Variants in MAL observed in about 807,000 individuals in gnomAD.
MAL encodes myelin and lymphocyte protein.
In MAL, 5 loss-of-function variants were observed where a neutral mutation model predicts 16.7. The observed-to-expected ratio is 0.30, with a 90% confidence interval of 0.16 to 0.63. MAL has a LOEUF of 0.63. MAL is among the 30% of genes least tolerant of loss of function. The pLI, the probability that MAL is intolerant of heterozygous loss-of-function variation, is 0.82. For missense variants in MAL, 202 were observed against 195.8 expected, an observed-to-expected ratio of 1.03 and a Z score of -0.19; for synonymous variants, 96 against 85.5, an observed-to-expected ratio of 1.12 and a Z score of -0.67.
intron 1 of MAL, among the ~76,000 whole-genome samples, chr2:95,036,570 TG>T (rs1355232441): frequency 6.6e-6 from 1 of 152,268 alleles, no homozygotes; most frequent in Non-Finnish European, 1.5e-5. Flanking sequence ...CCTGCCTTAG[TG>T]TTGACCATGC....
At chr2:95,040,059 C>T (rs542816800) in intron 1 of MAL, among the ~76,000 whole-genome samples, 1 of 152,272 alleles carries the variant, frequency 6.6e-6, no homozygotes, top group South Asian at 2.1e-4. Flanking sequence ...ATCCGGGCAT[C>T]AAAGCCTGTT....
chr2:95,049,714 C>CG lies in MAL; in HGVS notation c.387+11dup. 6.2e-7 allele frequency: 1 copy of CG among 1,614,036 alleles called. No homozygotes were observed. The highest frequency in any genetic ancestry group is 8.5e-7 in the Non-Finnish European group (1 of 1,179,948). On this transcript the variant is annotated intron_variant, in intron 3 of 3. Coordinates refer to ENST00000309988, the MANE Select transcript of MAL (RefSeq NM_002371.4). ...GAAAACATTGCTGCCGTGGTGAGTC[C>CG]GGGCACCTGGGGCTGTGTCCACAGC...
At chr2:95,044,632 A>G (rs1212158881) in intron 1 of MAL, 1 of 152,260 alleles carries the variant, frequency 6.6e-6, no homozygotes, top group Non-Finnish European at 1.5e-5. Context: ...AACTGTGGAC[A>G]AGGTTCCCAC....
chr2:95,034,813 G>A (rs550244200), intron 1 of MAL, among the ~76,000 whole-genome samples: 4 of 152,250 alleles, frequency 2.6e-5, no homozygotes, highest in Admixed American at 1.3e-4. Flanking sequence ...CTTTAGGCCC[G>A]AGCTAACCCA....
chr2:95,038,659 T>TGTGACTGAGTGAGTGACTGACTGAGTGA (rs1674332736), intron 1 of MAL, among the ~76,000 whole-genome samples: 1 of 55,474 alleles, frequency 1.8e-5, no homozygotes, highest in African/African-American at 7.2e-5. Flanking sequence ...TGAGTGACTG[T>TGTGACTGAGTGAGTGACTGACTGAGTGA]GTGACTGAGT....
chr2:95,046,752 A>G (rs1446684263), intron 1 of MAL, among the ~76,000 whole-genome samples: 1 of 152,110 alleles, frequency 6.6e-6, no homozygotes, highest in Non-Finnish European at 1.5e-5. Flanking sequence ...TCCAACTCCA[A>G]ATCTGATCAT....
At chr2:95,039,386 G>GAC (rs1674379715) in intron 1 of MAL, among the ~76,000 whole-genome samples, 1 of 151,684 alleles carries the variant, frequency 6.6e-6, no homozygotes, top group Non-Finnish European at 1.5e-5. Flanking sequence ...GTGAGTGAGT[G>GAC]AGTGAGTGAG....
At chr2:95,045,259 C>T (rs368314252) in intron 1 of MAL, among the ~76,000 whole-genome samples, 4 of 152,180 alleles carry the variant, frequency 2.6e-5, no homozygotes, top group African/African-American at 4.8e-5. Flanking sequence ...ATAGGTCACC[C>T]GTAAGCGCCT....
intron 1 of MAL, among the ~76,000 whole-genome samples, chr2:95,043,371 T>TGATGTA (rs1674515340): frequency 6.6e-6 from 1 of 152,240 alleles, no homozygotes; most frequent in South Asian, 2.1e-4. Flanking sequence ...GCCAGAAGCT[T>TGATGTA]CATACTCACA....
chr2:95,046,621 A>G (rs1253125954), intron 1 of MAL, among the ~76,000 whole-genome samples: 1 of 152,024 alleles, frequency 6.6e-6, no homozygotes, highest in Non-Finnish European at 1.5e-5. Context: ...CTTTGACTGT[A>G]TGGGGCTCAC....
intron 1 of MAL, among the ~76,000 whole-genome samples, chr2:95,040,178 C>G (rs1435941461): frequency 6.6e-6 from 1 of 151,948 alleles, no homozygotes; most frequent in East Asian, 1.9e-4. Context: ...TGCACGTGCA[C>G]ACACATATAC....
In MAL at chr2:95,053,588, A is replaced by C; in HGVS notation, c.*133A>C. On this transcript the variant is annotated 3_prime_UTR_variant, in exon 4 of 4. Transcript: ENST00000309988. ...AAACAACCACCCCCCCACTGCCCAA[A>C]AAAAAAAGCCCTGCCCTGTTGCTCG... 1 of 687,668 alleles carries C rather than the reference A, an allele frequency of 1.5e-6. No homozygotes were observed. The highest frequency in any genetic ancestry group is 2.5e-6 in the Non-Finnish European group (1 of 405,414). The allele number at this position is 687,668 out of a possible 1,614,324, so 42.6% of individuals were successfully genotyped here.
chr2:95,035,739 G>T (rs921553173), intron 1 of MAL, among the ~76,000 whole-genome samples: 2 of 148,202 alleles, frequency 1.3e-5, no homozygotes, highest in African/African-American at 5.0e-5. Context: ...GCATGATCTC[G>T]GCTCACTGCA....
At chr2:95,028,479 C>T (rs1350477402) in intron 1 of MAL, among the ~76,000 whole-genome samples, 3 of 152,230 alleles carry the variant, frequency 2.0e-5, no homozygotes, top group South Asian at 2.1e-4. Context: ...ATGCCACTGG[C>T]GGGAATGTGA....
intron 1 of MAL, chr2:95,026,725 G>C (rs900815886): frequency 6.6e-6 from 1 of 152,264 alleles, no homozygotes; most frequent in African/African-American, 2.4e-5. Flanking sequence ...GGGGGCCGCT[G>C]GCCTTCACCT....
chr2:95,045,878 C>T (rs1432277854), intron 1 of MAL, among the ~76,000 whole-genome samples: 3 of 152,232 alleles, frequency 2.0e-5, no homozygotes, highest in Non-Finnish European at 2.9e-5. Context: ...TCTACACACA[C>T]ATCTTATTCC....
chr2:95,028,152 C>CAAAAAAAAAAAAAAAAAAAAA lies in MAL; in HGVS notation c.93+2271_93+2291dup, dbSNP rs898443996. On this transcript the variant is annotated intron_variant, in intron 1 of 3. Transcript: ENST00000309988. ...TGAAACCCCATCTCTACTAAAAATACAAAAAAAAAAAAAAAAAAAAAAAAC... is the reference window on the plus strand; with the variant it reads ...TGAAACCCCATCTCTACTAAAAATACAAAAAAAAAAAAAAAAAAAAAAAAAAAAAAAAAAAAAAAAAAAAAC... Among the ~76,000 whole-genome samples, 2 of 39,702 alleles carry CAAAAAAAAAAAAAAAAAAAAA rather than the reference C, an allele frequency of 5.0e-5. 1 individual carries two copies. The highest frequency in any genetic ancestry group is 9.4e-5 in the Non-Finnish European group (2 of 21,296). The allele number at this position is 39,702 out of a possible 152,430, so 26.0% of individuals were successfully genotyped here.
intron 1 of MAL, among the ~76,000 whole-genome samples, chr2:95,027,857 T>A (rs1018157516): frequency 3.9e-5 from 6 of 152,150 alleles, no homozygotes; most frequent in African/African-American, 7.2e-5. Flanking sequence ...GAGGTTTTTT[T>A]AATTATGGAA....
At chr2:95,034,610 C>T (rs1464824208) in intron 1 of MAL, among the ~76,000 whole-genome samples, 2 of 152,192 alleles carry the variant, frequency 1.3e-5, no homozygotes, top group Non-Finnish European at 2.9e-5. Flanking sequence ...GTGCCCTCAC[C>T]TCCCCCAGCC....
Sources: gnomAD v4.1 joint callset for allele counts (sites outside exome capture counted in the v4.1 genomes callset) on GRCh38, gnomAD v4.1.1 for gene constraint, MANE v1.5 for transcripts, NCBI Gene and HGNC (gene_info 2026-07-23, HGNC 2026-07-21) for gene names.